Variants in ERC2 observed in about 807,000 individuals in gnomAD.
ERC2 encodes the protein ERC protein 2.
A neutral mutation model predicts 114.8 loss-of-function variants in ERC2; 42 were observed. That is an observed-to-expected ratio of 0.37 (90% CI 0.29 to 0.47). The LOEUF is 0.47. Among genes scored for constraint, ERC2 ranks in the 20% least tolerant of loss-of-function variants. The pLI, the probability that ERC2 is intolerant of heterozygous loss-of-function variation, is 0.99. For synonymous variants in ERC2, 454 were observed against 425.5 expected (o/e 1.07, Z -0.82); for missense variants, 939 against 1,150.7 (o/e 0.82, Z 2.66).
chr3:56,006,286 T>C (rs2072484761), intron 10 of ERC2, among the ~76,000 whole-genome samples: 1 of 152,070 alleles, frequency 6.6e-6, no homozygotes, highest in Non-Finnish European at 1.5e-5. Flanking sequence ...AGATATGTGA[T>C]TCCTTCACAT....
At chr3:56,047,335 T>C (rs1172421748) in intron 7 of ERC2, among the ~76,000 whole-genome samples, 3 of 152,188 alleles carry the variant, frequency 2.0e-5, no homozygotes, top group Non-Finnish European at 1.5e-5. Flanking sequence ...GAGCATATGT[T>C]TGGGGTAAGT....
chr3:56,454,232 C>T (rs886619835), intron 1 of ERC2, among the ~76,000 whole-genome samples: 3 of 152,178 alleles, frequency 2.0e-5, no homozygotes, highest in Non-Finnish European at 2.9e-5. Context: ...AAAGCATGGG[C>T]TCTGAAGAGT....
chr3:56,061,055 G>A (rs1213637009), intron 7 of ERC2, among the ~76,000 whole-genome samples: 1 of 152,124 alleles, frequency 6.6e-6, no homozygotes, highest in Non-Finnish European at 1.5e-5. Flanking sequence ...TTATCTTGAG[G>A]AATTCAAGTT....
intron 10 of ERC2, among the ~76,000 whole-genome samples, chr3:55,997,880 GTTTTTTTTTTTTTT>G (rs869077498): frequency 2.2e-5 from 1 of 44,788 alleles, no homozygotes; most frequent in African/African-American, 8.8e-5. Flanking sequence ...TCTTAATTCT[GTTTTTTTTTTTTTT>G]TTTTTTTTTT....
chr3:55,771,818 G>T (rs893829948), intron 14 of ERC2, among the ~76,000 whole-genome samples: 3 of 152,138 alleles, frequency 2.0e-5, no homozygotes, highest in African/African-American at 7.2e-5. Context: ...CTCTCCACCT[G>T]TAATGGGAAA....
chr3:55,609,263 C>T (rs7620856), intron 17 of ERC2, among the ~76,000 whole-genome samples: 42,560 of 152,078 alleles, frequency 0.28, 7,840 homozygotes, highest in African/African-American at 0.52. Context: ...TTCACCTGCA[C>T]GGCACAAGGT....
At chr3:55,926,504 T>C (rs1392858471) in intron 13 of ERC2, among the ~76,000 whole-genome samples, 1 of 152,002 alleles carries the variant, frequency 6.6e-6, no homozygotes, top group Non-Finnish European at 1.5e-5. Flanking sequence ...AAATAAATAA[T>C]ATTCAGAAAC....
At chr3:55,847,454 A>G (rs2061413212) in intron 14 of ERC2, among the ~76,000 whole-genome samples, 1 of 152,222 alleles carries the variant, frequency 6.6e-6, no homozygotes, top group Non-Finnish European at 1.5e-5. Context: ...CGGGAGATAC[A>G]CTTGACATCC....
chr3:55,801,434 G>GT (rs1313316803), intron 14 of ERC2, among the ~76,000 whole-genome samples: 1 of 152,196 alleles, frequency 6.6e-6, no homozygotes, highest in Non-Finnish European at 1.5e-5. Flanking sequence ...TCTTCTGGTT[G>GT]TAACTCTTGA....
intron 17 of ERC2, among the ~76,000 whole-genome samples, chr3:55,539,635 G>T (rs1038472193): frequency 6.6e-6 from 1 of 151,240 alleles, no homozygotes; most frequent in African/African-American, 2.4e-5. Context: ...CACCATGTTA[G>T]CCAGGATGGT....
chr3:56,395,779 A>G (rs1011798945), intron 2 of ERC2, among the ~76,000 whole-genome samples: 11 of 152,206 alleles, frequency 7.2e-5, no homozygotes, highest in African/African-American at 2.7e-4. Flanking sequence ...CTTTATAGCA[A>G]TGCAAGAACG....
chr3:56,314,402 G>A (rs777309393), intron 2 of ERC2, among the ~76,000 whole-genome samples: 4 of 148,962 alleles, frequency 2.7e-5, no homozygotes, highest in Non-Finnish European at 5.9e-5. Context: ...CTAGCCAACA[G>A]GAAGCCATCA....
At chr3:56,070,889 C>T (rs1011264891) in intron 7 of ERC2, among the ~76,000 whole-genome samples, 4 of 152,176 alleles carry the variant, frequency 2.6e-5, no homozygotes, top group African/African-American at 4.8e-5. Context: ...TTTGCAAATG[C>T]TATTCTCGCT....
At chr3:55,628,777 A>G (rs2059624910) in intron 17 of ERC2, among the ~76,000 whole-genome samples, 1 of 152,188 alleles carries the variant, frequency 6.6e-6, no homozygotes, top group African/African-American at 2.4e-5. Context: ...CTCCTCCCCA[A>G]AATGAGCTGG....
chr3:56,025,360 T>G (rs2149605678), intron 7 of ERC2, among the ~76,000 whole-genome samples: 1 of 152,224 alleles, frequency 6.6e-6, no homozygotes, highest in South Asian at 2.1e-4. Flanking sequence ...GCCTGATTGG[T>G]TTTTCTGCTG....
At chr3:56,141,030 A>G (rs966299073) in intron 5 of ERC2, among the ~76,000 whole-genome samples, 3 of 152,188 alleles carry the variant, frequency 2.0e-5, no homozygotes, top group Non-Finnish European at 4.4e-5. Context: ...CTCAAAAAAC[A>G]AAAACAAAAA....
chr3:55,767,742 G>C (rs952153788), intron 14 of ERC2, among the ~76,000 whole-genome samples: 1 of 152,232 alleles, frequency 6.6e-6, no homozygotes, highest in African/African-American at 2.4e-5. Flanking sequence ...TGATGTGAAT[G>C]AGTGATGTCT....
intron 3 of ERC2, among the ~76,000 whole-genome samples, chr3:56,249,377 G>A (rs1008109239): frequency 1.3e-5 from 2 of 151,878 alleles, no homozygotes; most frequent in African/African-American, 4.8e-5. Flanking sequence ...CCAGGCTGGA[G>A]TGCAGTGGTG....
At chr3:55,832,700 C>T (rs1030983086) in intron 14 of ERC2, among the ~76,000 whole-genome samples, 9 of 152,204 alleles carry the variant, frequency 5.9e-5, no homozygotes, top group Non-Finnish European at 1.0e-4. Context: ...AAGCAGAGCG[C>T]CTCTCCTCCT....
Sources: allele counts gnomAD v4.1 joint callset (sites outside exome capture counted in the v4.1 genomes callset), GRCh38; gene constraint gnomAD v4.1.1; transcripts MANE v1.5; gene names NCBI Gene and HGNC (gene_info 2026-07-23, HGNC 2026-07-21).